SPAG16: variants seen among roughly 807,000 people sequenced by gnomAD.
SPAG16 encodes the protein sperm-associated antigen 16 protein.
SPAG16 carries 86 observed loss-of-function variants against 80.4 expected under a neutral mutation model. That is an observed-to-expected ratio of 1.07 (90% confidence interval 0.90 to 1.28). The LOEUF is 1.28. SPAG16 is among the 50% of genes most tolerant of loss of function. SPAG16 has a pLI of 0.00. For missense variants in SPAG16, 870 were observed against 765.3 expected (o/e 1.14, Z -1.61); for synonymous variants, 294 against 265.9 (o/e 1.11, Z -1.03).
chr2:213,493,706 G>A (rs767453063), intron 10 of SPAG16, among the ~76,000 whole-genome samples: 1 of 152,188 alleles, frequency 6.6e-6, no homozygotes, highest in Non-Finnish European at 1.5e-5. Context: ...CTCCTGAGTA[G>A]CTGGGACCAC....
At chr2:214,340,476 G>T (rs926535777) in intron 15 of SPAG16, among the ~76,000 whole-genome samples, 2 of 152,134 alleles carry the variant, frequency 1.3e-5, no homozygotes, top group African/African-American at 2.4e-5. Context: ...GTAGAATATT[G>T]CAACATTCTT....
At chr2:213,778,529 C>A in intron 10 of SPAG16, among the ~76,000 whole-genome samples, 1 of 152,124 alleles carries the variant, frequency 6.6e-6, no homozygotes, top group Admixed American at 6.5e-5. Context: ...ATATCTTCAT[C>A]CATCTTTTCA....
At chr2:213,736,763 G>A (rs1486779256) in intron 10 of SPAG16, among the ~76,000 whole-genome samples, 1 of 147,286 alleles carries the variant, frequency 6.8e-6, no homozygotes, top group Non-Finnish European at 1.5e-5. Context: ...GCAGTGCAAT[G>A]GCGAGATCTC....
At chr2:213,323,384 T>C (rs900290941) in intron 5 of SPAG16, among the ~76,000 whole-genome samples, 2 of 151,910 alleles carry the variant, frequency 1.3e-5, no homozygotes, top group Non-Finnish European at 2.9e-5. Flanking sequence ...GAGCTTGCAG[T>C]GAGCCGAGAT....
chr2:213,783,042 C>A lies in SPAG16; in HGVS notation c.1071-79443C>A, dbSNP rs7557148. On this transcript the variant is annotated intron_variant, in intron 10 of 15. Transcript: ENST00000331683. ...AGGTATATCTCCCAATGCTATCCCT[C>A]CCCCCTCCCCCGACCCCACCACAGT... 2.5e-5 allele frequency among the ~76,000 whole-genome samples: 3 copies of A among 120,138 alleles called. No individual in the cohort carries two copies. The South Asian group carries it at 9.7e-4, about 39-fold the overall frequency. The allele number at this position is 120,138 out of a possible 152,430, so 78.8% of individuals were successfully genotyped here.
intron 10 of SPAG16, among the ~76,000 whole-genome samples, chr2:213,757,155 A>G (rs1225665360): frequency 1.3e-5 from 2 of 152,186 alleles, no homozygotes; most frequent in Admixed American, 1.3e-4. Context: ...AGAAATATAA[A>G]CTTAACAGGA....
intron 8 of SPAG16, among the ~76,000 whole-genome samples, chr2:213,373,713 A>G (rs1229358407): frequency 6.6e-6 from 1 of 152,152 alleles, no homozygotes; most frequent in Non-Finnish European, 1.5e-5. Flanking sequence ...CTCTGATATT[A>G]CTATATGCAT....
chr2:213,961,526 AT>A (rs35549155), intron 12 of SPAG16, among the ~76,000 whole-genome samples: 59 of 142,358 alleles, frequency 4.1e-4, no homozygotes, highest in Non-Finnish European at 4.8e-4. Flanking sequence ...GTTGTTAGCT[AT>A]TTTTTTTTTG....
chr2:213,697,460 A>C (rs2065205933), intron 10 of SPAG16, among the ~76,000 whole-genome samples: 1 of 152,152 alleles, frequency 6.6e-6, no homozygotes, highest in Non-Finnish European at 1.5e-5. Context: ...CAATCTCTGG[A>C]ATCTATGAAT....
At chr2:213,721,331 T>A (rs557385183) in intron 10 of SPAG16, among the ~76,000 whole-genome samples, 1 of 150,234 alleles carries the variant, frequency 6.7e-6, no homozygotes, top group Non-Finnish European at 1.5e-5. Context: ...ACTCCTGACC[T>A]CAAGTGATCT....
intron 15 of SPAG16, among the ~76,000 whole-genome samples, chr2:214,380,267 A>G (rs1435861191): frequency 6.6e-6 from 1 of 152,228 alleles, no homozygotes; most frequent in Non-Finnish European, 1.5e-5. Flanking sequence ...TTTTTACCCA[A>G]TAAGATCATA....
intron 13 of SPAG16, among the ~76,000 whole-genome samples, chr2:214,021,308 T>C (rs2047854277): frequency 6.6e-6 from 1 of 152,152 alleles, no homozygotes; most frequent in African/African-American, 2.4e-5. Context: ...GATAAAGACA[T>C]ACCCAAGACT....
At chr2:213,754,620 C>T (rs1263131993) in intron 10 of SPAG16, among the ~76,000 whole-genome samples, 1 of 152,068 alleles carries the variant, frequency 6.6e-6, no homozygotes, top group Non-Finnish European at 1.5e-5. Flanking sequence ...AAAAAACTTT[C>T]ATATTTTAAA....
chr2:213,845,214 T>G (rs1467655975), intron 10 of SPAG16, among the ~76,000 whole-genome samples: 3 of 128,134 alleles, frequency 2.3e-5, no homozygotes, highest in Non-Finnish European at 3.5e-5. Flanking sequence ...TTTTTTTTTT[T>G]TGAGACAGAG....
At chr2:213,614,633 AC>A (rs971395639) in intron 10 of SPAG16, among the ~76,000 whole-genome samples, 9 of 152,236 alleles carry the variant, frequency 5.9e-5, no homozygotes, top group Admixed American at 4.6e-4. Context: ...AAGGTTGACC[AC>A]AAATGTTAGC....
At chr2:214,311,199 T>TCTCC (rs1695283141) in intron 15 of SPAG16, among the ~76,000 whole-genome samples, 1 of 151,212 alleles carries the variant, frequency 6.6e-6, no homozygotes, top group South Asian at 2.1e-4. Flanking sequence ...ATTCCCCCTC[T>TCTCC]CTCCCTCTCT....
At chr2:213,403,563 A>C (rs1246306054) in intron 9 of SPAG16, among the ~76,000 whole-genome samples, 2 of 152,178 alleles carry the variant, frequency 1.3e-5, no homozygotes, top group Non-Finnish European at 2.9e-5. Flanking sequence ...ATCTCAAAAT[A>C]ATAAGAGCTA....
intron 13 of SPAG16, among the ~76,000 whole-genome samples, chr2:214,039,055 C>T (rs975060131): frequency 8.9e-4 from 136 of 152,084 alleles, no homozygotes; most frequent in Non-Finnish European, 1.8e-3. Flanking sequence ...TGGGTATATA[C>T]CTAGTAATGG....
chr2:213,405,357 T>C (rs1220238101), intron 9 of SPAG16, among the ~76,000 whole-genome samples: 2 of 152,202 alleles, frequency 1.3e-5, no homozygotes, highest in East Asian at 1.9e-4. Context: ...GGATACATAA[T>C]AGTTACACAT....
Sources: gnomAD v4.1 joint callset for allele counts (sites outside exome capture counted in the v4.1 genomes callset) on GRCh38, gnomAD v4.1.1 for gene constraint, MANE v1.5 for transcripts, NCBI Gene and HGNC (gene_info 2026-07-23, HGNC 2026-07-21) for gene names.